Variants in ITPKB observed in about 807,000 individuals in gnomAD.
ITPKB encodes the protein IP3 3-kinase B.
ITPKB carries 13 observed loss-of-function variants against 69.4 expected under a neutral mutation model. That is an observed-to-expected ratio of 0.19 (90% CI 0.12 to 0.30). ITPKB has a LOEUF of 0.30. ITPKB is among the 10% of genes least tolerant of loss of function. ITPKB has a pLI of 1.00. For synonymous variants in ITPKB, 584 were observed against 513.7 expected (o/e 1.14, Z -1.85); for missense variants, 1,240 against 1,250.5 (o/e 0.99, Z 0.13).
At chr1:226,663,427 C>CCCGCCCA (rs1669438309) in intron 2 of ITPKB, among the ~76,000 whole-genome samples, 1 of 152,158 alleles carries the variant, frequency 6.6e-6, no homozygotes, top group Admixed American at 6.5e-5. Context: ...GCCAGGTTCT[C>CCCGCCCA]CCGCCCACCG....
Position 226,632,388 on chromosome 1 carries a change from T to G in ITPKB, c.*2283A>C, listed in dbSNP as rs1054214397. On this transcript the variant is annotated 3_prime_UTR_variant, in exon 8 of 8. Transcript: ENST00000429204. ...TGCCAGGGCAGGGGTTCTGGGAGAT[T>G]CCATTTCACAATCCATCTATCCCAC... 1.3e-5 allele frequency: 2 copies of G among 152,040 alleles called. No homozygotes were observed. The highest frequency in any genetic ancestry group is 4.8e-5 in the African/African-American group (2 of 41,372). The allele number at this position is 152,040 out of a possible 1,614,324, so 9.4% of individuals were successfully genotyped here. A position where few individuals can be genotyped will look rare whatever the true frequency, so the allele number is the denominator to read the frequency against.
At chr1:226,701,583 G>GA (rs1207147279) in intron 2 of ITPKB, among the ~76,000 whole-genome samples, 3 of 107,392 alleles carry the variant, frequency 2.8e-5, no homozygotes, top group Non-Finnish European at 5.1e-5. Flanking sequence ...CAGCTTGGGC[G>GA]AAAGAGTGAG....
intron 2 of ITPKB, among the ~76,000 whole-genome samples, chr1:226,703,321 T>C (rs901741445): frequency 1.9e-4 from 29 of 152,332 alleles, no homozygotes; most frequent in African/African-American, 6.7e-4. Context: ...ACTCGATTTG[T>C]TTACAATGAA....
At chr1:226,662,183 G>C (rs912330238) in intron 2 of ITPKB, among the ~76,000 whole-genome samples, 1 of 152,194 alleles carries the variant, frequency 6.6e-6, no homozygotes, top group East Asian at 1.9e-4. Flanking sequence ...CCGGGAGACT[G>C]AGCTGAGCAA....
At chr1:226,652,534 G>C (rs1414388709) in intron 2 of ITPKB, among the ~76,000 whole-genome samples, 1 of 152,216 alleles carries the variant, frequency 6.6e-6, no homozygotes, top group Admixed American at 6.5e-5. Context: ...ATATTCAAGA[G>C]TGAGCTCTCC....
At chr1:226,704,569 G>A (rs1388327575) in intron 2 of ITPKB, among the ~76,000 whole-genome samples, 1 of 150,654 alleles carries the variant, frequency 6.6e-6, no homozygotes, top group Non-Finnish European at 1.5e-5. Flanking sequence ...TCCGCTTTGG[G>A]GAAATGAGCA....
intron 5 of ITPKB, 23 bp from the exon 6 acceptor site, chr1:226,639,681 C>CA (rs1202776962): frequency 1.5e-5 from 23 of 1,513,522 alleles, no homozygotes; most frequent in Non-Finnish European, 2.1e-5. Context: ...ACACCCCACC[C>CA]AGGAGGGGGT....
At chr1:226,640,929 G>C (rs900207678) in intron 5 of ITPKB, among the ~76,000 whole-genome samples, 2 of 152,158 alleles carry the variant, frequency 1.3e-5, no homozygotes, top group Non-Finnish European at 2.9e-5. Flanking sequence ...AGGCTCAGGG[G>C]ACCCTCCCAT....
rs1417764736 is a variant in ITPKB, at chr1:226,735,735, C to T, written c.1724G>A (p.Gly575Asp). 1 of 1,587,944 alleles carries T rather than the reference C, an allele frequency of 6.3e-7. No individual in the cohort carries two copies. The highest frequency in any genetic ancestry group is 1.7e-5 in the Admixed American group (1 of 57,940). The change falls in exon 2 of 8, where the codon GGC becomes GAC. Residue 575 changes from glycine (G) to aspartate (D), a missense_variant. Around this residue, in one of 2 missense-constraint regions of ITPKB, gnomAD observed 992 missense variants for 853.8 expected, o/e 1.16. Transcript: ENST00000429204. Reference protein sequence around the residue: ...NIPAVIITDMGTQEDGALEET... With the variant: ...NIPAVIITDMDTQEDGALEET... ...CTCCAAGGCCCCATCCTCCTGGGTG[C>T]CCATGTCTGTAATGATGACAGCAGG...
intron 2 of ITPKB, among the ~76,000 whole-genome samples, chr1:226,649,664 C>T (rs868817396): frequency 2.0e-5 from 3 of 149,904 alleles, no homozygotes; most frequent in Non-Finnish European, 2.9e-5. Context: ...TATTGAGCAT[C>T]TTATTTTATT....
In ITPKB at chr1:226,711,694, G is replaced by T. The variant is rs1159758574; in HGVS notation, c.1932+23833C>A. ...ATTTGTCCTGGCGATGACGAGTGCTGAACAGAAGTTCCTCAGGAGTGTTGC... is the reference window on the plus strand; with the variant it reads ...ATTTGTCCTGGCGATGACGAGTGCTTAACAGAAGTTCCTCAGGAGTGTTGC... On this transcript the variant is annotated intron_variant, in intron 2 of 7. Transcript: ENST00000429204. Among the ~76,000 whole-genome samples the T allele has an allele frequency of 3.3e-5, 5 of 152,196 alleles. No individual in the cohort carries two copies. The East Asian group carries it at 9.6e-4, about 29-fold the overall frequency.
At chr1:226,729,058 G>A (rs1657509123) in intron 2 of ITPKB, among the ~76,000 whole-genome samples, 1 of 152,158 alleles carries the variant, frequency 6.6e-6, no homozygotes, top group Non-Finnish European at 1.5e-5. Flanking sequence ...TCAAAGCTGA[G>A]GTGGATCTGC....
chr1:226,716,342 T>C (rs1310041563), intron 2 of ITPKB, among the ~76,000 whole-genome samples: 1 of 152,226 alleles, frequency 6.6e-6, no homozygotes, highest in East Asian at 1.9e-4. Context: ...TAAAAAGAGA[T>C]TCTGTGGCTC....
intron 2 of ITPKB, among the ~76,000 whole-genome samples, chr1:226,654,803 C>G (rs896573853): frequency 6.6e-6 from 1 of 152,232 alleles, no homozygotes; most frequent in Non-Finnish European, 1.5e-5. Flanking sequence ...GAAACACTGC[C>G]TTCAACAAAT....
At chr1:226,717,577 T>C (rs1657125830) in intron 2 of ITPKB, among the ~76,000 whole-genome samples, 1 of 152,144 alleles carries the variant, frequency 6.6e-6, no homozygotes, top group South Asian at 2.1e-4. Context: ...CTGCATCTGC[T>C]TCTTTGTTTT....
At chr1:226,715,325 T>C (rs1657068651) in intron 2 of ITPKB, among the ~76,000 whole-genome samples, 4 of 152,214 alleles carry the variant, frequency 2.6e-5, no homozygotes. Flanking sequence ...TAAAACCCTC[T>C]ACCTTGCACC....
At chr1:226,710,877 G>C (rs1656931217) in intron 2 of ITPKB, among the ~76,000 whole-genome samples, 1 of 152,186 alleles carries the variant, frequency 6.6e-6, no homozygotes, top group African/African-American at 2.4e-5. Context: ...GGTGGGACTG[G>C]AGCCCAGAGA....
rs183295805 is a variant in ITPKB at position 226,731,974 on chromosome 1, C to A, written c.1932+3553G>T. On this transcript the variant is annotated intron_variant, in intron 2 of 7. Coordinates refer to ENST00000429204, the MANE Select transcript of ITPKB (RefSeq NM_002221.4). ...GCTTTTAAATTTTAGTTTGGTTTAC[C>A]CCAAACTAAAATTTTTACACACTTT... Among the ~76,000 whole-genome samples the A allele has an allele frequency of 2.7e-3, 408 of 150,886 alleles. 5 individuals are homozygous for A. The highest frequency in any genetic ancestry group is 5.8e-4 in the Non-Finnish European group (39 of 67,768).
chr1:226,689,569 TTGTGTGTGTGTGTGTGTGTG>T (rs10589027), intron 2 of ITPKB, among the ~76,000 whole-genome samples: 1 of 138,474 alleles, frequency 7.2e-6, no homozygotes, highest in Non-Finnish European at 1.6e-5. Flanking sequence ...AAGGTTTTAT[TTGTGTGTGTGTGTGTGTGTG>T]TGTGTGTGTG....
Sources: allele counts gnomAD v4.1 joint callset (sites outside exome capture counted in the v4.1 genomes callset), GRCh38; gene constraint gnomAD v4.1.1; regional missense constraint gnomAD v4.1.1; transcripts MANE v1.5; gene names NCBI Gene and HGNC (gene_info 2026-07-23, HGNC 2026-07-21).